Variants in GPC6 observed in about 807,000 individuals in gnomAD.
GPC6 encodes glypican-6.
Under a neutral mutation model 55.2 loss-of-function variants are expected in GPC6, and 14 were observed. The observed-to-expected ratio is 0.25, with a 90% CI of 0.17 to 0.40. The LOEUF is 0.40. Ranked by LOEUF, GPC6 falls within the 10% of genes least tolerant of loss-of-function variation. The pLI is 1.00. For synonymous variants in GPC6, 278 were observed against 259.6 expected (o/e 1.07, Z -0.68); for missense variants, 641 against 708.5 (o/e 0.90, Z 1.08).
chr13:93,959,517 T>C (rs536982314), intron 3 of GPC6, among the ~76,000 whole-genome samples: 1 of 152,322 alleles, frequency 6.6e-6, no homozygotes, highest in South Asian at 2.1e-4. Context: ...GAAGCACTTC[T>C]ACTACTATGT....
intron 2 of GPC6, among the ~76,000 whole-genome samples, chr13:93,604,020 C>G (rs922315771): frequency 2.6e-5 from 4 of 152,184 alleles, no homozygotes; most frequent in Admixed American, 2.6e-4. Context: ...AATGGGAGTA[C>G]ACTCTGTATA....
intron 4 of GPC6, among the ~76,000 whole-genome samples, chr13:94,265,882 A>G (rs1891786956): frequency 6.6e-6 from 1 of 152,188 alleles, no homozygotes; most frequent in Non-Finnish European, 1.5e-5. Context: ...TTTTATTGGC[A>G]TTATTCCCAA....
chr13:93,322,542 T>C (rs984282972), intron 1 of GPC6, among the ~76,000 whole-genome samples: 1 of 149,606 alleles, frequency 6.7e-6, no homozygotes, highest in African/African-American at 2.5e-5. Context: ...GTTCAAGCGA[T>C]TCTCCTGCCT....
At chr13:94,126,991 T>C (rs937780560) in intron 4 of GPC6, among the ~76,000 whole-genome samples, 2 of 152,138 alleles carry the variant, frequency 1.3e-5, no homozygotes, top group Non-Finnish European at 2.9e-5. Context: ...TTTTAAATCC[T>C]AAAATTATAT....
At chr13:94,118,413 C>A (rs1473128792) in intron 4 of GPC6, among the ~76,000 whole-genome samples, 1 of 152,084 alleles carries the variant, frequency 6.6e-6, no homozygotes, top group Non-Finnish European at 1.5e-5. Flanking sequence ...ATCAATTAAA[C>A]CTCATTCCTT....
At chr13:93,853,218 G>A (rs1229494374) in intron 3 of GPC6, among the ~76,000 whole-genome samples, 1 of 151,624 alleles carries the variant, frequency 6.6e-6, no homozygotes, top group East Asian at 1.9e-4. Context: ...TCAAGGTTAA[G>A]TAACATCTAT....
intron 2 of GPC6, among the ~76,000 whole-genome samples, chr13:93,692,953 A>G (rs975981450): frequency 2.0e-4 from 31 of 152,138 alleles, no homozygotes. Flanking sequence ...TGTGGGTCAA[A>G]TACTTGTTAC....
chr13:93,740,761 AAAATAAATTCAGGTACAAAAAGAAT>A (rs1048814533), intron 2 of GPC6, among the ~76,000 whole-genome samples: 1 of 152,212 alleles, frequency 6.6e-6, no homozygotes, highest in Non-Finnish European at 1.5e-5. Flanking sequence ...AAATGATTGA[AAAATAAATTCAGGTACAAAAAGAAT>A]AAATACAAGA....
chr13:93,289,922 C>A (rs1237396251), intron 1 of GPC6, among the ~76,000 whole-genome samples: 1 of 152,140 alleles, frequency 6.6e-6, no homozygotes, highest in African/African-American at 2.4e-5. Flanking sequence ...TTGAAAAATA[C>A]TATTTTATGG....
chr13:93,620,681 T>C (rs1878913759), intron 2 of GPC6, among the ~76,000 whole-genome samples: 2 of 152,190 alleles, frequency 1.3e-5, no homozygotes, highest in African/African-American at 4.8e-5. Context: ...AAAAATATGG[T>C]AGATTCTTCA....
chr13:94,016,839 T>G, intron 3 of GPC6, among the ~76,000 whole-genome samples: 1 of 125,006 alleles, frequency 8.0e-6, no homozygotes, highest in African/African-American at 2.7e-5. Flanking sequence ...AACAGTTTTC[T>G]TTTTTTTTTT....
chr13:93,505,429 G>A (rs367644116), intron 1 of GPC6, among the ~76,000 whole-genome samples: 40 of 115,708 alleles, frequency 3.5e-4, no homozygotes, highest in African/African-American at 1.0e-3. Flanking sequence ...TCTCACACAC[G>A]TGCACACACA....
chr13:94,266,207 T>C lies in GPC6; in HGVS notation c.878-20142T>C, dbSNP rs77603298. Among the ~76,000 whole-genome samples, 1,012 of 151,890 alleles carry C rather than the reference T, an allele frequency of 6.7e-3. 27 individuals are homozygous for C. In the East Asian group the frequency reaches 0.098, roughly 15 times the overall value. Reference sequence around the variant, plus strand: ...TTTTTGAGAAGGAGTCTCGCTCTGTTGCCCAGGCTGGAGTGCAGTGGCACG... The same window carrying C: ...TTTTTGAGAAGGAGTCTCGCTCTGTCGCCCAGGCTGGAGTGCAGTGGCACG... On this transcript the variant is annotated intron_variant, in intron 4 of 8. Coordinates refer to ENST00000377047, the MANE Select transcript of GPC6 (RefSeq NM_005708.5).
At chr13:93,403,225 T>C (rs536382415) in intron 1 of GPC6, among the ~76,000 whole-genome samples, 88 of 152,296 alleles carry the variant, frequency 5.8e-4, no homozygotes, top group African/African-American at 2.1e-3. Flanking sequence ...AACAATAATA[T>C]TCTCTCAAGC....
At chr13:94,395,574 A>C (rs1880859557) in intron 7 of GPC6, among the ~76,000 whole-genome samples, 1 of 152,222 alleles carries the variant, frequency 6.6e-6, no homozygotes, top group African/African-American at 2.4e-5. Flanking sequence ...AAAATAGCTT[A>C]AATACCAAAG....
At chr13:94,394,594 C>G (rs780059454) in intron 7 of GPC6, among the ~76,000 whole-genome samples, 2 of 152,050 alleles carry the variant, frequency 1.3e-5, no homozygotes, top group Non-Finnish European at 2.9e-5. Flanking sequence ...CTCATGAGGT[C>G]CTCATGCTGA....
At chr13:93,848,978 C>G (rs1888299185) in intron 3 of GPC6, among the ~76,000 whole-genome samples, 1 of 152,040 alleles carries the variant, frequency 6.6e-6, no homozygotes, top group Non-Finnish European at 1.5e-5. Flanking sequence ...TTTTACTCAC[C>G]CTCTTTTCAG....
At chr13:93,358,362 C>T (rs1880926305) in intron 1 of GPC6, among the ~76,000 whole-genome samples, 1 of 152,040 alleles carries the variant, frequency 6.6e-6, no homozygotes, top group Non-Finnish European at 1.5e-5. Flanking sequence ...AAATGGTTAA[C>T]ATTTATTGAG....
chr13:94,176,903 G>A (rs1010589209), intron 4 of GPC6, among the ~76,000 whole-genome samples: 4 of 152,096 alleles, frequency 2.6e-5, no homozygotes, highest in African/African-American at 9.7e-5. Flanking sequence ...GTAGAACATC[G>A]AAAACTTCAC....
Sources: gnomAD v4.1 joint callset for allele counts (sites outside exome capture counted in the v4.1 genomes callset) on GRCh38, gnomAD v4.1.1 for gene constraint, MANE v1.5 for transcripts, NCBI Gene and HGNC (gene_info 2026-07-23, HGNC 2026-07-21) for gene names.